PCSK6: variants seen among roughly 807,000 people sequenced by gnomAD.
PCSK6 encodes paired basic amino acid cleaving enzyme 4.
In PCSK6, 85 loss-of-function variants were observed where a neutral mutation model predicts 123.3. The ratio of observed to expected loss-of-function variants is 0.69; its 90% CI spans 0.58 to 0.83. The LOEUF (loss-of-function observed/expected upper bound fraction) is 0.83. PCSK6 is among the 40% of genes least tolerant of loss of function. PCSK6 has a pLI of 0.00. For synonymous variants in PCSK6, 508 were observed against 516.0 expected (o/e 0.98, Z 0.21); for missense variants, 1,191 against 1,282.3 (o/e 0.93, Z 1.09).
intron 1 of PCSK6, among the ~76,000 whole-genome samples, chr15:101,459,628 T>A (rs2057294273): frequency 7.0e-6 from 1 of 141,856 alleles, no homozygotes; most frequent in African/African-American, 2.6e-5. Flanking sequence ...GCCTCCCAGG[T>A]AACTGACTCT....
chr15:101,473,486 C>G (rs1449811833), intron 1 of PCSK6, among the ~76,000 whole-genome samples: 1 of 152,162 alleles, frequency 6.6e-6, no homozygotes, highest in African/African-American at 2.4e-5. Flanking sequence ...GACCAAATAT[C>G]AGAACAAGGT....
intron 8 of PCSK6, 104 bp downstream of exon 8, chr15:101,393,108 T>A: frequency 1.0e-6 from 1 of 964,766 alleles, no homozygotes; most frequent in Non-Finnish European, 1.6e-6. Flanking sequence ...TCCGGAACAA[T>A]CTGGCCTCAA....
At position 101,319,721 on chromosome 15, in the gene PCSK6, G is replaced by T. The variant is rs143471068; in HGVS notation, c.2466-1299C>A. The stretch of plus-strand genomic sequence containing the variant: ...AAAAGGTCAGGGTTTGGAGAGCTCT[G>T]GGGTGGTGAACAAGAACACAACCAC... On this transcript the variant is annotated intron_variant, in intron 18 of 21. Coordinates refer to ENST00000611716, the MANE Select transcript of PCSK6 (RefSeq NM_002570.5). Among the ~76,000 whole-genome samples the T allele has an allele frequency of 3.3e-5, 5 of 152,318 alleles. No homozygotes were observed. In the East Asian group the frequency reaches 7.7e-4, roughly 23 times the overall value.
At chr15:101,430,146 T>TAGAGAAA in intron 4 of PCSK6, 83 bp from the exon 5 acceptor site, 1 of 1,056,434 alleles carries the variant, frequency 9.5e-7, no homozygotes, top group South Asian at 1.3e-5. Context: ...CGTTGGCAAA[T>TAGAGAAA]AGAGAAACCA....
chr15:101,342,129 C>CAAAAAAAAAAAAAAAAAAAAAAA (rs35083182), intron 13 of PCSK6, among the ~76,000 whole-genome samples: 3 of 51,522 alleles, frequency 5.8e-5, no homozygotes, highest in African/African-American at 2.3e-4. Context: ...GACCCTGTCT[C>CAAAAAAAAAAAAAAAAAAAAAAA]AAAAAAAAAA....
intron 13 of PCSK6, among the ~76,000 whole-genome samples, chr15:101,343,471 T>C (rs1309925607): frequency 6.6e-6 from 1 of 152,196 alleles, no homozygotes; most frequent in African/African-American, 2.4e-5. Context: ...TTCTGATATA[T>C]GCAATTACAG....
At chr15:101,342,597 G>C (rs753738639) in intron 13 of PCSK6, among the ~76,000 whole-genome samples, 5 of 152,140 alleles carry the variant, frequency 3.3e-5, no homozygotes, top group Non-Finnish European at 5.9e-5. Flanking sequence ...CTTGGGATTT[G>C]GTATCAAGAA....
In PCSK6 at chr15:101,388,144, G is replaced by A. The variant is rs79916256; in HGVS notation, c.1310+1320C>T. 6.0e-3 allele frequency among the ~76,000 whole-genome samples: 913 copies of A among 152,322 alleles called. 9 individuals are homozygous for A. Among genetic ancestry groups the A allele is most frequent in the African/African-American group, 0.021 (873 of 41,578 alleles). Reference sequence around the variant, plus strand: ...CAGCGCAAGGAAGGGTAAAGTATGCGAATGTGAGTTTCCACACAAGCAACT... The same window carrying A: ...CAGCGCAAGGAAGGGTAAAGTATGCAAATGTGAGTTTCCACACAAGCAACT... On this transcript the variant is annotated intron_variant, in intron 9 of 21. Transcript: ENST00000611716.
At position 101,304,909 on chromosome 15, in the gene PCSK6, T is replaced by C. The variant is rs1162385218; in HGVS notation, c.*349A>G. On this transcript the variant is annotated 3_prime_UTR_variant, in exon 22 of 22. Coordinates refer to ENST00000611716, the MANE Select transcript of PCSK6 (RefSeq NM_002570.5). ...GCACGGGGAGAAGAGTGATGTGTGA[T>C]GCCAAGCGCCTTTCTTTTCTGCTTT... 1 of 221,844 alleles carries C rather than the reference T, an allele frequency of 4.5e-6. No individual in the cohort carries two copies. Among genetic ancestry groups the C allele is most frequent in the Admixed American group, 5.3e-5 (1 of 18,800 alleles). The allele number at this position is 221,844 out of a possible 1,614,324, so 13.7% of individuals were successfully genotyped here.
intron 4 of PCSK6, among the ~76,000 whole-genome samples, chr15:101,430,413 A>G (rs2056411276): frequency 6.6e-6 from 1 of 152,114 alleles, no homozygotes; most frequent in Non-Finnish European, 1.5e-5. Context: ...TTTTTGTCTA[A>G]GAGTTTGGCT....
chr15:101,355,789 G>A (rs2041020034), intron 13 of PCSK6, among the ~76,000 whole-genome samples: 1 of 152,252 alleles, frequency 6.6e-6, no homozygotes, highest in African/African-American at 2.4e-5. Flanking sequence ...GTGCCGAGCG[G>A]GATGTGGCCC....
chr15:101,398,920 T>C lies in PCSK6; in HGVS notation c.824-344A>G, dbSNP rs1202498658. ...TTATTATTATTTATTATTATTATTT[T>C]GAGACAGAGTCTCACTCTGTCACCC... On this transcript the variant is annotated intron_variant, in intron 6 of 21. Transcript: ENST00000611716. The surrounding 1 kb of genome is among the most constrained non-coding windows in gnomAD (Gnocchi z 4.6). Among the ~76,000 whole-genome samples the C allele has an allele frequency of 6.6e-6, 1 of 150,486 alleles. No homozygotes were observed. Among genetic ancestry groups the C allele is most frequent in the Non-Finnish European group, 1.5e-5 (1 of 67,988 alleles).
At position 101,304,192 on chromosome 15, in the gene PCSK6, A is replaced by G. The variant is rs939231148; in HGVS notation, c.*1066T>C. ...GCATTTCAATGAAAATATATGAAAT[A>G]TTTGTCAAAATAATTAACATCGGTA... On this transcript the variant is annotated 3_prime_UTR_variant, in exon 22 of 22. Coordinates refer to ENST00000611716, the MANE Select transcript of PCSK6 (RefSeq NM_002570.5). The G allele has an allele frequency of 6.6e-6, 1 of 152,616 alleles. No individual in the cohort carries two copies. The highest frequency in any genetic ancestry group is 1.9e-4 in the East Asian group (1 of 5,206). 9.5% of individuals were successfully genotyped at this position (152,616 alleles called of 1,614,324 possible). A position where few individuals can be genotyped will look rare whatever the true frequency, so the allele number is the denominator to read the frequency against.
At chr15:101,342,585 C>A (rs2040639215) in intron 13 of PCSK6, among the ~76,000 whole-genome samples, 1 of 152,202 alleles carries the variant, frequency 6.6e-6, no homozygotes, top group African/African-American at 2.4e-5. Context: ...CTCATATGTG[C>A]TCTTGGGATT....
At chr15:101,481,298 T>G (rs1596171608) in intron 1 of PCSK6, among the ~76,000 whole-genome samples, 2 of 147,226 alleles carry the variant, frequency 1.4e-5, no homozygotes, top group African/African-American at 2.5e-5. Context: ...CAGCAGAACT[T>G]GGAAGGCTGA....
chr15:101,425,479 T>C (rs2056224792), intron 6 of PCSK6, among the ~76,000 whole-genome samples: 1 of 152,242 alleles, frequency 6.6e-6, no homozygotes. Flanking sequence ...CATGTCTTTA[T>C]TGTTAGTTGT....
chr15:101,325,104 C>T (rs1450995345), intron 16 of PCSK6, 58 bp from the exon 17 acceptor site: 2 of 1,328,240 alleles, frequency 1.5e-6, no homozygotes, highest in Non-Finnish European at 2.1e-6. Context: ...AGCCCCAGGC[C>T]TGCCCCTTTG....
chr15:101,451,073 G>A (rs1293441943), intron 1 of PCSK6, among the ~76,000 whole-genome samples: 1 of 151,786 alleles, frequency 6.6e-6, no homozygotes, highest in Non-Finnish European at 1.5e-5. Flanking sequence ...TACAGAAAGG[G>A]CCTCCCCCAT....
intron 15 of PCSK6, 57 bp downstream of exon 15, chr15:101,331,594 C>A (rs980304240): frequency 2.6e-6 from 4 of 1,542,886 alleles, no homozygotes; most frequent in African/African-American, 2.7e-5. Flanking sequence ...GGCATATAGA[C>A]CCTGCTCTCC....
Sources: allele counts gnomAD v4.1 joint callset (sites outside exome capture counted in the v4.1 genomes callset), GRCh38; gene constraint gnomAD v4.1.1; non-coding constraint Gnocchi (gnomAD v3.1); transcripts MANE v1.5; gene names NCBI Gene and HGNC (gene_info 2026-07-23, HGNC 2026-07-21).